The following MAML2 variants were observed in gnomAD, a reference collection of about 807,000 sequenced individuals.
The protein encoded by MAML2 is mastermind like transcriptional coactivator 2, also known as mastermind-like protein 2.
MAML2 carries 22 observed loss-of-function variants against 96.1 expected under a neutral mutation model. The ratio of observed to expected loss-of-function variants is 0.23; its 90% CI spans 0.16 to 0.33. MAML2 has a LOEUF of 0.33. MAML2 is among the 10% of genes least tolerant of loss of function. The pLI is 1.00. For missense variants in MAML2, 1,367 were observed against 1,392.4 expected, an observed-to-expected ratio of 0.98 and a Z score of 0.29; for synonymous variants, 561 against 521.3, an observed-to-expected ratio of 1.08 and a Z score of -1.04.
chr11:95,982,747 C>T (rs780544486), intron 4 of MAML2, among the ~76,000 whole-genome samples: 2 of 152,128 alleles, frequency 1.3e-5, no homozygotes, highest in African/African-American at 2.4e-5. Context: ...GTACAGTATG[C>T]ACTGCATAAC....
At chr11:96,293,652 A>T (rs1378529594) in intron 1 of MAML2, among the ~76,000 whole-genome samples, 2 of 152,230 alleles carry the variant, frequency 1.3e-5, no homozygotes, top group Non-Finnish European at 2.9e-5. Context: ...TCAGGCTGAA[A>T]AAATGAGACA....
At chr11:96,234,406 G>A (rs532259657) in intron 1 of MAML2, among the ~76,000 whole-genome samples, 39 of 152,300 alleles carry the variant, frequency 2.6e-4, no homozygotes, top group African/African-American at 7.5e-4. Context: ...ACTTGAACCC[G>A]GGAGGCGGAG....
chr11:96,316,841 C>T (rs1483166667), intron 1 of MAML2, among the ~76,000 whole-genome samples: 2 of 151,942 alleles, frequency 1.3e-5, no homozygotes, highest in Non-Finnish European at 2.9e-5. Flanking sequence ...GGATCCTGAA[C>T]TGGGCCAAAG....
chr11:96,032,586 C>CA (rs59167571), intron 2 of MAML2, among the ~76,000 whole-genome samples: 36,957 of 91,246 alleles, frequency 0.41, 7,883 homozygotes, highest in Non-Finnish European at 0.52. Flanking sequence ...GAGTCTGTCT[C>CA]AAAAAAAAAA....
intron 1 of MAML2, among the ~76,000 whole-genome samples, chr11:96,296,592 G>A (rs1343979216): frequency 6.6e-6 from 1 of 152,158 alleles, no homozygotes; most frequent in East Asian, 1.9e-4. Flanking sequence ...GCAGTGAGCT[G>A]AGATTGTGCC....
chr11:96,095,244 A>G (rs1388648336), intron 1 of MAML2, among the ~76,000 whole-genome samples: 1 of 152,160 alleles, frequency 6.6e-6, no homozygotes, highest in Non-Finnish European at 1.5e-5. Flanking sequence ...ATTTCAGGTA[A>G]AATGATGAGG....
At chr11:96,125,070 G>A (rs186012917) in intron 1 of MAML2, among the ~76,000 whole-genome samples, 2 of 152,168 alleles carry the variant, frequency 1.3e-5, no homozygotes, top group East Asian at 3.9e-4. Flanking sequence ...AGCATTATCT[G>A]CTTGTGGCCA....
rs556761107 is a variant in MAML2, at chr11:96,205,063, C to T, written c.514-111546G>A. Among the ~76,000 whole-genome samples, 13 of 152,194 alleles carry T rather than the reference C, an allele frequency of 8.5e-5. No homozygotes were observed. In the South Asian group the frequency reaches 1.7e-3, roughly 19 times the overall value. On this transcript the variant is annotated intron_variant, in intron 1 of 4. Coordinates refer to ENST00000524717, the MANE Select transcript of MAML2 (RefSeq NM_032427.4). ...TTTGTGGTAGCCTGTACTTTCCTGGCGTAATTTCTTTTCATATAATGTGTG... is the reference window on the plus strand; with the variant it reads ...TTTGTGGTAGCCTGTACTTTCCTGGTGTAATTTCTTTTCATATAATGTGTG...
chr11:96,305,064 G>C (rs1378217776), intron 1 of MAML2, among the ~76,000 whole-genome samples: 1 of 152,106 alleles, frequency 6.6e-6, no homozygotes, highest in Non-Finnish European at 1.5e-5. Context: ...ACTGAGTTCT[G>C]AGGCCAAAAA....
chr11:96,218,303 T>C (rs1195439527), intron 1 of MAML2, among the ~76,000 whole-genome samples: 1 of 152,196 alleles, frequency 6.6e-6, no homozygotes, highest in African/African-American at 2.4e-5. Context: ...TTCTTATAAT[T>C]CAATCCTAAG....
At chr11:96,083,802 A>C (rs1195366800) in intron 2 of MAML2, among the ~76,000 whole-genome samples, 1 of 152,212 alleles carries the variant, frequency 6.6e-6, no homozygotes, top group Non-Finnish European at 1.5e-5. Context: ...CCCTGTATTC[A>C]ACTAGCTTGC....
chr11:96,127,134 C>T (rs1860453805), intron 1 of MAML2, among the ~76,000 whole-genome samples: 1 of 150,324 alleles, frequency 6.7e-6, no homozygotes, highest in East Asian at 1.9e-4. Flanking sequence ...ATTACCTAAG[C>T]AGTTACATGT....
chr11:95,981,674 T>A (rs1323755693), intron 4 of MAML2, among the ~76,000 whole-genome samples: 3 of 152,140 alleles, frequency 2.0e-5, no homozygotes, highest in Non-Finnish European at 4.4e-5. Flanking sequence ...GTGTAGTGCA[T>A]TGTGTAGTGG....
intron 1 of MAML2, among the ~76,000 whole-genome samples, chr11:96,259,616 C>T (rs1366800108): frequency 6.6e-6 from 1 of 152,196 alleles, no homozygotes; most frequent in African/African-American, 2.4e-5. Context: ...CCAGTGGCTC[C>T]TTCAAACTCA....
At chr11:96,332,840 A>T (rs1863871315) in intron 1 of MAML2, among the ~76,000 whole-genome samples, 1 of 151,520 alleles carries the variant, frequency 6.6e-6, no homozygotes, top group Admixed American at 6.6e-5. Flanking sequence ...ACCTCCAGAT[A>T]TGAGCATTTT....
At chr11:96,100,536 C>G (rs983512006) in intron 1 of MAML2, among the ~76,000 whole-genome samples, 3 of 151,898 alleles carry the variant, frequency 2.0e-5, no homozygotes, top group Admixed American at 6.6e-5. Context: ...TCTTGAACTC[C>G]CGACCTCAAG....
intron 1 of MAML2, among the ~76,000 whole-genome samples, chr11:96,260,247 A>G (rs929589580): frequency 3.3e-5 from 5 of 152,070 alleles, no homozygotes; most frequent in African/African-American, 9.7e-5. Context: ...AGAGCAGAAG[A>G]AAAAAGAAGA....
intron 1 of MAML2, among the ~76,000 whole-genome samples, chr11:96,155,150 C>G (rs148328035): frequency 1.3e-5 from 2 of 152,070 alleles, no homozygotes; most frequent in Admixed American, 1.3e-4. Context: ...CCACCTTAGT[C>G]CTTTTTTAAA....
chr11:96,225,804 C>A (rs514655), intron 1 of MAML2, among the ~76,000 whole-genome samples: 1,796 of 151,856 alleles, frequency 0.012, 22 homozygotes, highest in Non-Finnish European at 0.017. Flanking sequence ...CTGTACCCCA[C>A]CCTGGGTGAC....
Sources: gnomAD v4.1 joint callset for allele counts (sites outside exome capture counted in the v4.1 genomes callset) on GRCh38, gnomAD v4.1.1 for gene constraint, MANE v1.5 for transcripts, NCBI Gene and HGNC (gene_info 2026-07-23, HGNC 2026-07-21) for gene names.